FAM193A: variants seen among roughly 807,000 people sequenced by gnomAD.
FAM193A encodes the protein protein FAM193A.
Under a neutral mutation model 126.5 loss-of-function variants are expected in FAM193A, and 22 were observed. That is an observed-to-expected ratio of 0.17 (90% CI 0.12 to 0.25). The LOEUF is 0.25. Ranked by LOEUF, FAM193A falls within the 10% of genes least tolerant of loss-of-function variation. FAM193A has a pLI of 1.00. For missense variants in FAM193A, 1,675 were observed against 1,672.8 expected, an observed-to-expected ratio of 1.00 and a Z score of -0.02; for synonymous variants, 761 against 646.8, an observed-to-expected ratio of 1.18 and a Z score of -2.68.
chr4:2,720,328 AG>A (rs1369781402), intron 20 of FAM193A, among the ~76,000 whole-genome samples: 2 of 152,226 alleles, frequency 1.3e-5, no homozygotes, highest in Non-Finnish European at 2.9e-5. Context: ...CTAACTGTGT[AG>A]GATCAGTACA....
chr4:2,673,696 C>A (rs1436350586), intron 13 of FAM193A, among the ~76,000 whole-genome samples: 1 of 152,170 alleles, frequency 6.6e-6, no homozygotes, highest in East Asian at 1.9e-4. Context: ...CCACTCCCTG[C>A]TGTAGCCTGA....
In FAM193A at chr4:2,537,075, A is replaced by G. The variant is rs1736919625; in HGVS notation, c.160A>G (p.Ser54Gly). Residue 54 changes from serine (S) to glycine (G), a missense_variant, in exon 1 of 21, where the codon AGC becomes GGC. Ser to Gly is a moderately conservative substitution (Grantham distance 56, BLOSUM62 0). Around this residue, in one of 4 missense-constraint regions of FAM193A, gnomAD observed 1,186 missense variants for 1,109.2 expected, o/e 1.07. Transcript: ENST00000637812. The part of the protein sequence containing the change: ...SQAAGLAAPG[S>G]AAGLVGGAAA... ...GGCCGCGGGCCTGGCGGCCCCGGGC[A>G]GCGCGGCAGGCCTGGTGGGCGGCGC... The G allele has an allele frequency of 7.0e-6, 1 of 143,870 alleles. No homozygotes were observed. The highest frequency in any genetic ancestry group is 6.9e-5 in the Admixed American group (1 of 14,470). The allele number at this position is 143,870 out of a possible 1,614,324, so 8.9% of individuals were successfully genotyped here.
Position 2,625,312 on chromosome 4 carries a change from C to T in FAM193A, c.552C>T (p.Ala184=), listed in dbSNP as rs986237183. 15 of 702,914 alleles carry T rather than the reference C, an allele frequency of 2.1e-5. No homozygotes were observed. The highest frequency in any genetic ancestry group is 2.0e-4 in the Admixed American group (10 of 49,996). The allele number at this position is 702,914 out of a possible 1,614,324, so 43.5% of individuals were successfully genotyped here. ...HSSLGGSQPE[A]GSGGRLALGA... ...CGCTTGGTGGCTCCCAGCCAGAGGC[C>T]GGCAGTGGTGGGAGGCTCGCTCTGG... is the stretch of plus-strand genomic sequence containing the variant. Residue 184 remains alanine, a synonymous_variant, in exon 3 of 21, where the codon GCC becomes GCT. Transcript: ENST00000637812.
chr4:2,701,964 A>T (rs1036663868), intron 19 of FAM193A, among the ~76,000 whole-genome samples: 13 of 151,840 alleles, frequency 8.6e-5, no homozygotes, highest in African/African-American at 2.9e-4. Context: ...TAGAGATGGG[A>T]TTTCACCTTG....
Position 2,731,906 on chromosome 4 carries a change from C to A in FAM193A, c.*38C>A. 6.9e-7 allele frequency: 1 copy of A among 1,456,108 alleles called. No homozygotes were observed. 90.2% of individuals were successfully genotyped at this position (1,456,108 alleles called of 1,614,324 possible). A position where few individuals can be genotyped will look rare whatever the true frequency, so the allele number is the denominator to read the frequency against. On this transcript the variant is annotated 3_prime_UTR_variant, in exon 21 of 21. Transcript: ENST00000637812. ...TGGAGAGGGACACGCGAGAGGCAGGCCAGGCTGCACCACCCCAAGAGCCAC... is the reference window on the plus strand; with the variant it reads ...TGGAGAGGGACACGCGAGAGGCAGGACAGGCTGCACCACCCCAAGAGCCAC...
intron 10 of FAM193A, among the ~76,000 whole-genome samples, chr4:2,660,430 G>A (rs77985765): frequency 0.031 from 4,692 of 152,174 alleles, 218 homozygotes; most frequent in African/African-American, 0.11. Flanking sequence ...TAAGAACTCA[G>A]GTGATCGCTT....
chr4:2,595,264 G>A (rs1740794272), intron 1 of FAM193A, among the ~76,000 whole-genome samples: 1 of 152,158 alleles, frequency 6.6e-6, no homozygotes, highest in Non-Finnish European at 1.5e-5. Context: ...ACTGAGGCTG[G>A]TCTCAAACCT....
At chr4:2,616,287 G>A (rs1445632126) in intron 2 of FAM193A, among the ~76,000 whole-genome samples, 1 of 152,100 alleles carries the variant, frequency 6.6e-6, no homozygotes, top group Non-Finnish European at 1.5e-5. Flanking sequence ...AGCAAACTTT[G>A]TCTTATACTG....
intron 15 of FAM193A, among the ~76,000 whole-genome samples, chr4:2,693,347 C>A (rs528293031): frequency 6.6e-6 from 1 of 152,082 alleles, no homozygotes; most frequent in Non-Finnish European, 1.5e-5. Flanking sequence ...ACCAAACTGT[C>A]GATGTTCTGA....
chr4:2,699,440 C>CCCCA, intron 18 of FAM193A, among the ~76,000 whole-genome samples: 1 of 83,716 alleles, frequency 1.2e-5, no homozygotes, highest in African/African-American at 4.2e-5. Flanking sequence ...ACTACCACCC[C>CCCCA]CCCCCCCACA....
Position 2,662,916 on chromosome 4 carries a change from C to G in FAM193A, c.1824C>G (p.Thr608=). ...ATCCATTGAGTAATTATGATGATAC[C>G]GAGGTGGTGGCCAACATGAATGGAA... The part of the protein sequence containing the change: ...DIYPLSNYDD[T]EVVANMNGIH... The change falls in exon 11 of 21, where the codon ACC becomes ACG. Residue 608 remains threonine (T), a synonymous_variant. Coordinates refer to ENST00000637812, the MANE Select transcript of FAM193A (RefSeq NM_001366318.2). 1 of 1,613,610 alleles carries G rather than the reference C, an allele frequency of 6.2e-7. No individual in the cohort carries two copies. The highest frequency in any genetic ancestry group is 1.3e-5 in the African/African-American group (1 of 74,940).
At chr4:2,673,310 C>G (rs576164037) in intron 13 of FAM193A, among the ~76,000 whole-genome samples, 1 of 152,036 alleles carries the variant, frequency 6.6e-6, no homozygotes, top group Non-Finnish European at 1.5e-5. Context: ...ATGATTTTTT[C>G]CAGACCACAG....
intron 13 of FAM193A, among the ~76,000 whole-genome samples, chr4:2,685,899 ATTAC>A: frequency 6.6e-6 from 1 of 152,182 alleles, no homozygotes; most frequent in Non-Finnish European, 1.5e-5. Flanking sequence ...TTTTCTATGG[ATTAC>A]TTCTTTTGTC....
chr4:2,560,940 G>A (rs1035684691), intron 1 of FAM193A, among the ~76,000 whole-genome samples: 2 of 151,814 alleles, frequency 1.3e-5, no homozygotes, highest in African/African-American at 4.8e-5. Context: ...GGCATGAGCT[G>A]CTGCACCTGG....
intron 2 of FAM193A, among the ~76,000 whole-genome samples, chr4:2,607,366 G>GT (rs1339041892): frequency 6.6e-6 from 1 of 152,058 alleles, no homozygotes; most frequent in Non-Finnish European, 1.5e-5. Context: ...CCCCACCATT[G>GT]TTTTTTTCCC....
intron 18 of FAM193A, 67 bp downstream of exon 18, chr4:2,696,660 C>T: frequency 7.9e-7 from 1 of 1,269,514 alleles, no homozygotes; most frequent in Non-Finnish European, 1.1e-6. Flanking sequence ...CGTGCCACGC[C>T]AGTCTCTAGG....
At chr4:2,700,682 C>A in intron 19 of FAM193A, 138 bp downstream of exon 19, 1 of 1,064,880 alleles carries the variant, frequency 9.4e-7, no homozygotes, top group Non-Finnish European at 1.3e-6. Flanking sequence ...GTAGAGGGGC[C>A]AGGCATGGTG....
chr4:2,681,564 A>C (rs1715124440), intron 13 of FAM193A, among the ~76,000 whole-genome samples: 1 of 151,358 alleles, frequency 6.6e-6, no homozygotes, highest in Non-Finnish European at 1.5e-5. Flanking sequence ...AATCCTCCTG[A>C]CCCATAGTCT....
At chr4:2,707,378 C>T (rs151036785) in intron 19 of FAM193A, among the ~76,000 whole-genome samples, 1 of 152,144 alleles carries the variant, frequency 6.6e-6, no homozygotes, top group East Asian at 1.9e-4. Flanking sequence ...GGATCTTCTC[C>T]ACCATTATAT....
Sources: allele counts gnomAD v4.1 joint callset (sites outside exome capture counted in the v4.1 genomes callset), GRCh38; gene constraint gnomAD v4.1.1; regional missense constraint gnomAD v4.1.1; transcripts MANE v1.5; gene names NCBI Gene and HGNC (gene_info 2026-07-23, HGNC 2026-07-21).